Variants in USP30 observed in about 807,000 individuals in gnomAD.
USP30 encodes ubiquitin specific peptidase 30, also known as ubiquitin carboxyl-terminal hydrolase 30.
Under a neutral mutation model 68.2 loss-of-function variants are expected in USP30, and 41 were observed. The ratio of observed to expected loss-of-function variants is 0.60; its 90% confidence interval spans 0.47 to 0.78. The LOEUF is 0.78. USP30 is among the 30% of genes least tolerant of loss of function. USP30 has a pLI of 0.00. For missense variants in USP30, 522 were observed against 649.4 expected (o/e 0.80, Z 2.13); for synonymous variants, 229 against 253.7 (o/e 0.90, Z 0.93).
chr12:109,056,745 A>G lies in USP30; in HGVS notation c.147A>G (p.Ile49Met). 1 of 1,613,410 alleles carries G rather than the reference A, an allele frequency of 6.2e-7. No individual in the cohort carries two copies. Among genetic ancestry groups the G allele is most frequent in the Non-Finnish European group, 8.5e-7 (1 of 1,179,806 alleles). The change falls in exon 2 of 13, where the codon ATA becomes ATG. Residue 49 changes from isoleucine (I) to methionine (M), a missense_variant. By Grantham distance (10) the Ile-to-Met change is conservative (BLOSUM62 1). Transcript: ENST00000257548. Reference protein sequence around the residue: ...GGIAAALAAGIYVIWGPITER... With the variant: ...GGIAAALAAGMYVIWGPITER... ...TTGCTGCTGCTCTTGCAGCAGGAAT[A>G]TATGTTATTTGGGGTCCCATTACAG...
In USP30 at chr12:109,082,923, G is replaced by A; in HGVS notation, c.1029G>A (p.Val343=). Residue 343 remains valine, a synonymous_variant, in exon 11 of 13, where the codon GTG becomes GTA. Coordinates refer to ENST00000257548, the MANE Select transcript of USP30 (RefSeq NM_032663.5). ...HGTPLKRHEH[V]QFNEFLMMDI... ...CGCCTCTGAAGCGGCATGAGCACGT[G>A]CAGTTCAATGAGTTCCTGATGATGG... 3 of 1,614,240 alleles carry A rather than the reference G, an allele frequency of 1.9e-6. No homozygotes were observed. The highest frequency in any genetic ancestry group is 2.5e-6 in the Non-Finnish European group (3 of 1,180,040).
In USP30 at chr12:109,052,664, T is replaced by C. The variant is rs1423996713; in HGVS notation, c.-15T>C. 1 of 1,499,482 alleles carries C rather than the reference T, an allele frequency of 6.7e-7. No homozygotes were observed. Among genetic ancestry groups the C allele is most frequent in the Non-Finnish European group, 8.9e-7 (1 of 1,129,920 alleles). The allele number at this position is 1,499,482 out of a possible 1,614,324, so 92.9% of individuals were successfully genotyped here. A position where few individuals can be genotyped will look rare whatever the true frequency, so the allele number is the denominator to read the frequency against. On this transcript the variant is annotated 5_prime_UTR_variant, in exon 1 of 13. Coordinates refer to ENST00000257548, the MANE Select transcript of USP30 (RefSeq NM_032663.5). The stretch of plus-strand genomic sequence containing the variant: ...GTAGCGGAGGAGACGGTTTCAGGCC[T>C]CCGGTGCGGCTGCAATGCTGAGCTC...
At chr12:109,044,871 A>C (rs2135676952) in intron 3 of USP30, among the ~76,000 whole-genome samples, 1 of 151,848 alleles carries the variant, frequency 6.6e-6, no homozygotes, top group East Asian at 1.9e-4. Flanking sequence ...TTACCCATAT[A>C]CCATCATCAT....
In USP30 at chr12:109,081,387, C is replaced by A. The variant is rs1413907201; in HGVS notation, c.774C>A (p.Ala258=). The A allele has an allele frequency of 1.2e-6, 2 of 1,613,932 alleles. No homozygotes were observed. Among genetic ancestry groups the A allele is most frequent in the Non-Finnish European group, 1.7e-6 (2 of 1,180,002 alleles). The change falls in exon 8 of 13, where the codon GCC becomes GCA. Residue 258 remains alanine (A), a synonymous_variant. Transcript: ENST00000257548. ...GCCTTTCACTAAGTATTCCAGCCGC[C>A]ACATGGGTATGTACTGATTTATGGT... is the stretch of plus-strand genomic sequence containing the variant. ...FDSLSLSIPA[A]TWGHPLTLDH...
chr12:109,085,379 AG>A (rs1232766404), intron 12 of USP30, among the ~76,000 whole-genome samples: 4 of 152,212 alleles, frequency 2.6e-5, no homozygotes, highest in Admixed American at 6.5e-5. Context: ...TTAAACACTT[AG>A]GGTCATGCAC....
chr12:109,073,726 C>G (rs2041514134), intron 7 of USP30, among the ~76,000 whole-genome samples, 194 bp downstream of exon 7: 1 of 152,164 alleles, frequency 6.6e-6, no homozygotes, highest in South Asian at 2.1e-4. Flanking sequence ...ATCTTCTGCA[C>G]CAAGGACAAC....
chr12:109,079,081 A>G (rs1193403979), intron 7 of USP30, among the ~76,000 whole-genome samples: 2 of 151,940 alleles, frequency 1.3e-5, no homozygotes, highest in Middle Eastern at 3.4e-3. Context: ...TATCTTATTT[A>G]TCTTGTTTGG....
Position 109,081,509 on chromosome 12 carries a change from T to C in USP30, c.780+116T>C, listed in dbSNP as rs548183392. 3 of 1,042,582 alleles carry C rather than the reference T, an allele frequency of 2.9e-6. No homozygotes were observed. The Admixed American group carries it at 6.4e-5, about 22-fold the overall frequency. 64.6% of individuals were successfully genotyped at this position (1,042,582 alleles called of 1,614,324 possible). A position where few individuals can be genotyped will look rare whatever the true frequency, so the allele number is the denominator to read the frequency against. On this transcript the variant is annotated intron_variant, in intron 8 of 12. Transcript: ENST00000257548. ...ATGTGTAATTCAGATACATGGTTGGTTGAACCCTCTCTTAACTTTCATATG... is the reference window on the plus strand; with the variant it reads ...ATGTGTAATTCAGATACATGGTTGGCTGAACCCTCTCTTAACTTTCATATG...
chr12:109,026,570 C>T (rs1260474516), intron 2 of USP30, among the ~76,000 whole-genome samples: 1 of 151,836 alleles, frequency 6.6e-6, no homozygotes, highest in Non-Finnish European at 1.5e-5. Flanking sequence ...AGTGATCCTT[C>T]CACCTCAGCC....
chr12:109,087,540 T>C lies in USP30; in HGVS notation c.*1609T>C, dbSNP rs2041974826. On this transcript the variant is annotated 3_prime_UTR_variant, in exon 13 of 13. Coordinates refer to ENST00000257548, the MANE Select transcript of USP30 (RefSeq NM_032663.5). ...TCCTGCACTCACCCGATGCAGACCT[T>C]GACTTTGATGTTGAAATGAACACAC... 1.3e-5 allele frequency: 2 copies of C among 152,314 alleles called. No homozygotes were observed. Among genetic ancestry groups the C allele is most frequent in the South Asian group, 4.1e-4 (2 of 4,840 alleles). 9.4% of individuals were successfully genotyped at this position (152,314 alleles called of 1,614,324 possible). A position where few individuals can be genotyped will look rare whatever the true frequency, so the allele number is the denominator to read the frequency against.
intron 11 of USP30, among the ~76,000 whole-genome samples, chr12:109,084,529 A>G (rs922633430): frequency 1.3e-5 from 2 of 152,180 alleles, no homozygotes; most frequent in African/African-American, 2.4e-5. Context: ...TAGTGGGTAG[A>G]GGCCAGGGAT....
upstream of USP30, among the ~76,000 whole-genome samples, chr12:109,049,095 A>G (rs980325398): frequency 2.0e-5 from 3 of 152,208 alleles, no homozygotes; most frequent in African/African-American, 7.2e-5. Context: ...TTTAGTTTAC[A>G]TTCTGCTCAC....
chr12:109,041,505 C>T (rs191273036), intron 3 of USP30, among the ~76,000 whole-genome samples: 6 of 151,972 alleles, frequency 3.9e-5, no homozygotes, highest in Admixed American at 2.6e-4. Context: ...CATGGTGGTG[C>T]GTGCCTGTTG....
chr12:109,085,083 C>T lies in USP30; in HGVS notation c.1289+10C>T. The T allele has an allele frequency of 2.6e-6, 4 of 1,543,706 alleles. No homozygotes were observed. The highest frequency in any genetic ancestry group is 3.5e-6 in the Non-Finnish European group (4 of 1,140,862). ...TTGTTCCCGACTACAGGTGAGCCAC[C>T]CTTTACAAGCCCCATCTTAGAGCTA... is the stretch of plus-strand genomic sequence containing the variant. On this transcript the variant is annotated intron_variant, in intron 12 of 12. Transcript: ENST00000257548.
At chr12:109,037,046 T>C (rs1232561195) in intron 3 of USP30, among the ~76,000 whole-genome samples, 2 of 152,184 alleles carry the variant, frequency 1.3e-5, no homozygotes, top group East Asian at 3.8e-4. Context: ...CTTTCTGGAA[T>C]TACCATTATG....
intron 2 of USP30, among the ~76,000 whole-genome samples, chr12:109,026,052 C>T (rs2040442842): frequency 6.6e-6 from 1 of 151,746 alleles, no homozygotes; most frequent in African/African-American, 2.4e-5. Context: ...ATCTTACTAC[C>T]ATGATTCTTT....
rs1461288625 is a variant in USP30 at position 109,081,630 on chromosome 12, C to CGT, written c.780+237_780+238insGT. 3.0e-4 allele frequency: 122 copies of CGT among 402,078 alleles called. No individual in the cohort carries two copies. The African/African-American group carries it at 3.5e-3, about 12-fold the overall frequency. The allele number at this position is 402,078 out of a possible 1,614,324, so 24.9% of individuals were successfully genotyped here. ...ACACACGCACGCATGCGCGCACACA[C>CGT]ACACACACACACACACACACACACA... On this transcript the variant is annotated intron_variant, in intron 8 of 12. Coordinates refer to ENST00000257548, the MANE Select transcript of USP30 (RefSeq NM_032663.5).
At chr12:109,077,037 T>C (rs983774739) in intron 7 of USP30, among the ~76,000 whole-genome samples, 1 of 152,154 alleles carries the variant, frequency 6.6e-6, no homozygotes, top group African/African-American at 2.4e-5. Flanking sequence ...CAGCCAGTGA[T>C]TGATTTTTCT....
Position 109,083,025 on chromosome 12 carries a change from A to T in USP30, c.1131A>T (p.Thr377=), listed in dbSNP as rs756635162. The change falls in exon 11 of 13, where the codon ACA becomes ACT. Residue 377 remains threonine, a synonymous_variant. Transcript: ENST00000257548. The part of the protein sequence containing the change: ...NPKLNKNPGP[T]LELQDGPGAP... ...AACTGAACAAGAACCCAGGGCCTAC[A>T]CTGGAGCTGCAGGATGGGCCGGGAG... 1 of 1,613,520 alleles carries T rather than the reference A, an allele frequency of 6.2e-7. No homozygotes were observed. The highest frequency in any genetic ancestry group is 8.5e-7 in the Non-Finnish European group (1 of 1,179,612).
Sources: gnomAD v4.1 joint callset for allele counts (sites outside exome capture counted in the v4.1 genomes callset) on GRCh38, gnomAD v4.1.1 for gene constraint, MANE v1.5 for transcripts, NCBI Gene and HGNC (gene_info 2026-07-23, HGNC 2026-07-21) for gene names.